The following SERGEF variants were observed in gnomAD, a reference collection of about 807,000 sequenced individuals.
SERGEF encodes the protein secretion regulating guanine nucleotide exchange factor.
SERGEF carries 51 observed loss-of-function variants against 50.0 expected under a neutral mutation model. That is an observed-to-expected ratio of 1.02 (90% confidence interval 0.81 to 1.29). The LOEUF (loss-of-function observed/expected upper bound fraction) is 1.29. Among genes scored for constraint, SERGEF ranks in the 50% most tolerant of loss-of-function variants. The pLI is 0.00. For missense variants in SERGEF, 521 were observed against 557.0 expected, an observed-to-expected ratio of 0.94 and a Z score of 0.65; for synonymous variants, 205 against 212.4, an observed-to-expected ratio of 0.97 and a Z score of 0.30.
intron 9 of SERGEF, among the ~76,000 whole-genome samples, chr11:17,917,337 G>A (rs1165870881): frequency 1.3e-5 from 2 of 152,200 alleles, no homozygotes; most frequent in East Asian, 1.9e-4. Context: ...AACATTGTAT[G>A]TTCTCACTCA....
intron 8 of SERGEF, among the ~76,000 whole-genome samples, chr11:17,971,790 T>C (rs966834340): frequency 9.8e-5 from 15 of 152,354 alleles, no homozygotes; most frequent in Non-Finnish European, 1.9e-4. Flanking sequence ...CTGCCATAGA[T>C]AGTGATTCCT....
intron 9 of SERGEF, among the ~76,000 whole-genome samples, chr11:17,954,374 G>A (rs1228905331): frequency 1.3e-4 from 20 of 152,158 alleles, no homozygotes; most frequent in Non-Finnish European, 1.3e-4. Flanking sequence ...AGACGCCCTG[G>A]AAACTTCCAG....
intron 8 of SERGEF, among the ~76,000 whole-genome samples, chr11:17,969,775 C>G (rs1217914024): frequency 6.6e-6 from 1 of 152,178 alleles, no homozygotes; most frequent in Non-Finnish European, 1.5e-5. Flanking sequence ...ATGTGATTCT[C>G]CTTACACAGT....
intron 10 of SERGEF, among the ~76,000 whole-genome samples, chr11:17,873,019 G>A (rs2133893742): frequency 6.6e-6 from 1 of 152,318 alleles, no homozygotes; most frequent in Non-Finnish European, 1.5e-5. Flanking sequence ...TGTGGTAGAA[G>A]GGTTTTGGGG....
chr11:17,986,465 T>C (rs552213014), intron 8 of SERGEF, among the ~76,000 whole-genome samples: 39 of 152,302 alleles, frequency 2.6e-4, no homozygotes, highest in African/African-American at 8.7e-4. Context: ...CAAAAAATCA[T>C]GCTCTTGAAA....
intron 5 of SERGEF, chr11:17,999,614 G>T: frequency 2.2e-6 from 1 of 455,186 alleles, no homozygotes; most frequent in Non-Finnish European, 4.4e-6. Flanking sequence ...ATGAAAAGGG[G>T]AGAGATAAAA....
intron 8 of SERGEF, among the ~76,000 whole-genome samples, chr11:17,986,716 G>GT (rs1218472676): frequency 6.6e-6 from 1 of 152,248 alleles, no homozygotes; most frequent in Non-Finnish European, 1.5e-5. Context: ...CCATTTGGTA[G>GT]TAAGTGTATT....
chr11:17,999,534 G>A lies in SERGEF; in HGVS notation c.508+963C>T, dbSNP rs1056093417. ...TCCACTCCACAAGTGGACTCACGAA[G>A]CACCTGAGCCTCAGCTGCCACAGCC... is the stretch of plus-strand genomic sequence containing the variant. On this transcript the variant is annotated intron_variant, in intron 5 of 10. Transcript: ENST00000265965. 8.6e-5 allele frequency: 39 copies of A among 455,350 alleles called. No individual in the cohort carries two copies. In the Admixed American group the frequency reaches 8.7e-4, roughly 10 times the overall value. 28.2% of individuals were successfully genotyped at this position (455,350 alleles called of 1,614,324 possible). A position where few individuals can be genotyped will look rare whatever the true frequency, so the allele number is the denominator to read the frequency against.
At chr11:17,828,268 C>T (rs552222896) in intron 10 of SERGEF, among the ~76,000 whole-genome samples, 27 of 152,366 alleles carry the variant, frequency 1.8e-4, no homozygotes, top group African/African-American at 6.3e-4. Flanking sequence ...CAGATTCTCA[C>T]TGCATTTCCT....
At chr11:17,886,993 G>T (rs1851442629) in intron 9 of SERGEF, among the ~76,000 whole-genome samples, 1 of 152,134 alleles carries the variant, frequency 6.6e-6, no homozygotes, top group Admixed American at 6.6e-5. Flanking sequence ...GTTCTAGGGA[G>T]TGAGTCCTCC....
intron 8 of SERGEF, among the ~76,000 whole-genome samples, chr11:17,981,627 G>C (rs1051593213): frequency 1.1e-4 from 16 of 152,178 alleles, no homozygotes; most frequent in Non-Finnish European, 2.1e-4. Context: ...GGTGGTCCGT[G>C]AGAGTTATGA....
At chr11:17,897,610 C>T (rs948190298) in intron 9 of SERGEF, among the ~76,000 whole-genome samples, 35 of 152,170 alleles carry the variant, frequency 2.3e-4, no homozygotes, top group Admixed American at 5.9e-4. Flanking sequence ...ACCACTGTGC[C>T]GAGTGAAAGA....
chr11:18,011,941 A>G (rs1854205317), intron 1 of SERGEF, among the ~76,000 whole-genome samples: 1 of 152,210 alleles, frequency 6.6e-6, no homozygotes, highest in South Asian at 2.1e-4. Flanking sequence ...TTCTTTAAAA[A>G]TTGGACAACT....
chr11:18,000,769 T>A (rs762993537), intron 4 of SERGEF: 1 of 679,578 alleles, frequency 1.5e-6, no homozygotes, highest in Middle Eastern at 2.4e-4. Context: ...CACAATACCA[T>A]ATGACAACAA....
intron 9 of SERGEF, among the ~76,000 whole-genome samples, chr11:17,902,708 C>A (rs1225578136): frequency 2.6e-5 from 4 of 152,158 alleles, no homozygotes; most frequent in African/African-American, 9.7e-5. Flanking sequence ...GACTGAGAAG[C>A]CACTTCAGAG....
chr11:17,997,525 G>A (rs989213989), intron 5 of SERGEF, among the ~76,000 whole-genome samples: 1 of 152,006 alleles, frequency 6.6e-6, no homozygotes, highest in African/African-American at 2.4e-5. Flanking sequence ...TTCACTTCTG[G>A]GTACACATCC....
chr11:17,910,923 T>G (rs1851940598), intron 9 of SERGEF, among the ~76,000 whole-genome samples: 1 of 152,064 alleles, frequency 6.6e-6, no homozygotes, highest in Non-Finnish European at 1.5e-5. Context: ...AGACAAGACC[T>G]CACAGATCAA....
intron 10 of SERGEF, among the ~76,000 whole-genome samples, chr11:17,790,337 ATT>A (rs35722641): frequency 6.9e-6 from 1 of 144,400 alleles, no homozygotes. Context: ...TCATTCACAT[ATT>A]TTTTTTTTTT....
chr11:17,908,351 C>T (rs1851890435), intron 9 of SERGEF, among the ~76,000 whole-genome samples: 2 of 152,122 alleles, frequency 1.3e-5, no homozygotes, highest in African/African-American at 2.4e-5. Context: ...GCTCTTTTTG[C>T]CTGAAACTCT....
Sources: allele counts gnomAD v4.1 joint callset (sites outside exome capture counted in the v4.1 genomes callset), GRCh38; gene constraint gnomAD v4.1.1; transcripts MANE v1.5; gene names NCBI Gene and HGNC (gene_info 2026-07-23, HGNC 2026-07-21).